Variants in PWWP2A observed in about 807,000 individuals in gnomAD.
PWWP2A encodes PWWP domain containing 2A, also known as PWWP domain-containing protein 2A.
Under a neutral mutation model 48.5 loss-of-function variants are expected in PWWP2A, and 18 were observed. The ratio of observed to expected loss-of-function variants is 0.37; its 90% confidence interval spans 0.26 to 0.55. PWWP2A has a LOEUF of 0.55. PWWP2A is among the 20% of genes least tolerant of loss of function. The probability of loss-of-function intolerance (pLI) is 0.81; values close to 1 mark genes in which losing one functional copy is unlikely to be tolerated. For missense variants in PWWP2A, 867 were observed against 976.4 expected (o/e 0.89, Z 1.49); for synonymous variants, 396 against 387.7 (o/e 1.02, Z -0.25).
rs1758482752 is a variant in PWWP2A at position 160,119,321 on chromosome 5, G to A, written c.68C>T (p.Ala23Val). 7.2e-7 allele frequency: 1 copy of A among 1,388,460 alleles called. No homozygotes were observed. The highest frequency in any genetic ancestry group is 9.3e-7 in the Non-Finnish European group (1 of 1,078,094). 86.0% of individuals were successfully genotyped at this position (1,388,460 alleles called of 1,614,324 possible). A position where few individuals can be genotyped will look rare whatever the true frequency, so the allele number is the denominator to read the frequency against. ...GGGGATGGGCTCCATCTCCGGCTCG[G>A]CCTCGCCGGCGCCCCCCTCCCCGGG... ...ASPGEGGAGEAEPEMEPIPGS... is the reference protein window; with the variant it reads ...ASPGEGGAGEVEPEMEPIPGS... The change falls in exon 1 of 2, where the codon GCC becomes GTC. Residue 23 changes from alanine (A) to valine (V), a missense_variant. Physicochemically the swap from Ala to Val is moderately conservative, Grantham distance 64 (BLOSUM62 0). Coordinates refer to ENST00000307063, the MANE Select transcript of PWWP2A (RefSeq NM_001130864.2).
At position 160,118,810 on chromosome 5, in the gene PWWP2A, G is replaced by A; in HGVS notation, c.579C>T (p.Ser193=). 1 of 1,525,964 alleles carries A rather than the reference G, an allele frequency of 6.6e-7. No individual in the cohort carries two copies. Among genetic ancestry groups the A allele is most frequent in the Non-Finnish European group, 8.8e-7 (1 of 1,136,594 alleles). 94.5% of individuals were successfully genotyped at this position (1,525,964 alleles called of 1,614,324 possible). A position where few individuals can be genotyped will look rare whatever the true frequency, so the allele number is the denominator to read the frequency against. The change falls in exon 1 of 2, where the codon TCC becomes TCT. Residue 193 remains serine, a synonymous_variant. Transcript: ENST00000307063. ...GCTGGGGGCGGGCGCGGTACCTTTT[G>A]GACAGATCCATGAGGACCCCGGAGA... ...KLFSGVLMDL[S]KRFGPHGIPV... is the part of the protein sequence containing the mutation.
chr5:160,093,139 G>A lies in PWWP2A; in HGVS notation c.1511C>T (p.Pro504Leu). The A allele has an allele frequency of 6.2e-7, 1 of 1,613,770 alleles. No homozygotes were observed. The highest frequency in any genetic ancestry group is 8.5e-7 in the Non-Finnish European group (1 of 1,179,862). ...LEKMRSGKMA[P>L]KPQSRCTSTR... ...AGAGGTGCAGCGAGACTGGGGCTTG[G>A]GTGCCATCTTGCCACTCCGCATTTT... is the stretch of plus-strand genomic sequence containing the variant. The change falls in exon 2 of 2, where the codon CCC becomes CTC. Residue 504 changes from proline to leucine, a missense_variant. By Grantham distance (98) the Pro-to-Leu change is moderately conservative. This residue lies in a region of PWWP2A where 382 missense variants were observed against 407.2 expected (regional missense o/e 0.94). Transcript: ENST00000307063. The surrounding 1 kb of genome is among the most constrained non-coding windows in gnomAD (Gnocchi z 5.8).
At chr5:160,066,218 G>A (rs1434072365) in intron 4 of PWWP2A, among the ~76,000 whole-genome samples, 1 of 151,270 alleles carries the variant, frequency 6.6e-6, no homozygotes, top group Admixed American at 6.6e-5. Context: ...TATGGAAACC[G>A]TGTGGAATGC....
In PWWP2A at chr5:160,118,940, T is replaced by A; in HGVS notation, c.449A>T (p.Asp150Val). The A allele has an allele frequency of 6.3e-7, 1 of 1,592,682 alleles. No individual in the cohort carries two copies. Among genetic ancestry groups the A allele is most frequent in the East Asian group, 2.3e-5 (1 of 42,704 alleles). Residue 150 changes from aspartate to valine, a missense_variant, in exon 1 of 2, where the codon GAC becomes GTC. Physicochemically the swap from Asp to Val is radical, Grantham distance 152 (BLOSUM62 -3). Transcript: ENST00000307063. Reference protein sequence around the residue: ...APALVPPAGGDSTVSQLIPGS... With the variant: ...APALVPPAGGVSTVSQLIPGS... The stretch of plus-strand genomic sequence containing the variant: ...CGGGATCAGTTGCGACACCGTGGAG[T>A]CCCCGCCCGCCGGCGGCACGAGCGC...
chr5:160,091,462 ATTATT>A lies in PWWP2A; in HGVS notation c.*915_*919del, dbSNP rs752215591. 188 of 978,530 alleles carry A rather than the reference ATTATT, an allele frequency of 1.9e-4. No individual in the cohort carries two copies. Among genetic ancestry groups the A allele is most frequent in the Non-Finnish European group, 2.2e-4 (181 of 826,054 alleles). 60.6% of individuals were successfully genotyped at this position (978,530 alleles called of 1,614,324 possible). ...CTGCAAACAGATACCTTAAACGGAA[ATTATT>A]TTGTTTTAATTATCAAATTAGGTAC... is the stretch of plus-strand genomic sequence containing the variant. On this transcript the variant is annotated 3_prime_UTR_variant, in exon 2 of 2. Transcript: ENST00000307063.
intron 4 of PWWP2A, among the ~76,000 whole-genome samples, chr5:160,065,762 T>A (rs548900533): frequency 6.6e-6 from 1 of 152,244 alleles, no homozygotes; most frequent in East Asian, 1.9e-4. Flanking sequence ...CTTGGGCCCC[T>A]CCAGGTTTGT....
downstream of PWWP2A, among the ~76,000 whole-genome samples, chr5:160,074,371 G>A (rs1753816554): frequency 6.6e-6 from 1 of 152,050 alleles, no homozygotes; most frequent in African/African-American, 2.4e-5. Context: ...CCAGGAGGTG[G>A]AGGTTGCAGT....
downstream of PWWP2A, among the ~76,000 whole-genome samples, chr5:160,061,157 C>T (rs1404470378): frequency 6.6e-6 from 1 of 152,254 alleles, no homozygotes; most frequent in East Asian, 1.9e-4. Flanking sequence ...ACACAGCTCG[C>T]CTGCCTATCT....
chr5:160,084,972 T>TAA (rs367544657), intron 2 of PWWP2A, among the ~76,000 whole-genome samples: 20 of 144,016 alleles, frequency 1.4e-4, no homozygotes, highest in Non-Finnish European at 2.3e-4. Flanking sequence ...CCTTAAATAG[T>TAA]AAAAAAAAAA....
At chr5:160,064,814 C>A in intron 4 of PWWP2A, 1 of 1,140,580 alleles carries the variant, frequency 8.8e-7, no homozygotes, top group South Asian at 1.6e-5. Flanking sequence ...GTAGGCATTT[C>A]TTTAACTGCA....
At chr5:160,102,110 CAAAAA>C (rs61608471) in intron 1 of PWWP2A, among the ~76,000 whole-genome samples, 1 of 59,010 alleles carries the variant, frequency 1.7e-5, no homozygotes. Context: ...AACTTGGTGT[CAAAAA>C]AAAAAAAAAA....
chr5:160,060,592 G>C (rs1263167670), downstream of PWWP2A, among the ~76,000 whole-genome samples: 1 of 152,212 alleles, frequency 6.6e-6, no homozygotes, highest in African/African-American at 2.4e-5. Flanking sequence ...GAATTTGACA[G>C]CCAGTGGAAA....
Position 160,119,077 on chromosome 5 carries a change from T to C in PWWP2A, c.312A>G (p.Ala104=). 6.3e-7 allele frequency: 1 copy of C among 1,588,702 alleles called. No homozygotes were observed. Among genetic ancestry groups the C allele is most frequent in the Non-Finnish European group, 8.5e-7 (1 of 1,176,026 alleles). The change falls in exon 1 of 2, where the codon GCA becomes GCG. Residue 104 remains alanine, a synonymous_variant. Transcript: ENST00000307063. Reference sequence around the variant, plus strand: ...GTTCCGGCCCTCCCTGAGGCGCGGCTGCCGCCGACTCCGCCACCCGAACGG... The same window carrying C: ...GTTCCGGCCCTCCCTGAGGCGCGGCCGCCGCCGACTCCGCCACCCGAACGG... ...KLSVRVAESA[A]AAPQGGPELP...
the PWWP2A span, chr5:160,049,763 G>A: frequency 1.0e-4 from 112 of 1,099,890 alleles, no homozygotes; most frequent in African/African-American, 1.6e-3. Context: ...TTCCATTTCT[G>A]TGCTTTTGAG....
At chr5:160,096,614 C>T (rs937632895) in intron 1 of PWWP2A, among the ~76,000 whole-genome samples, 2 of 152,062 alleles carry the variant, frequency 1.3e-5, no homozygotes, top group African/African-American at 4.8e-5. Flanking sequence ...AGAGAAGTGC[C>T]CTTCCTCTTA....
downstream of PWWP2A, among the ~76,000 whole-genome samples, chr5:160,071,313 A>G (rs10462921): frequency 0.59 from 90,270 of 152,056 alleles, 26,829 homozygotes; most frequent in East Asian, 0.62. Flanking sequence ...AAGTTGGTGC[A>G]GGAAGACCCG....
exon 6 of PWWP2A, chr5:160,061,874 A>G (rs900481332): frequency 1.3e-5 from 2 of 152,338 alleles, no homozygotes; most frequent in African/African-American, 4.8e-5. Context: ...GGCTGTTGGC[A>G]GAGTTGGCAG....
intron 1 of PWWP2A, chr5:160,113,392 A>G: frequency 1.1e-6 from 1 of 918,888 alleles, no homozygotes; most frequent in Non-Finnish European, 1.3e-6. Context: ...GCAGACTCTT[A>G]GTCATCCACA....
chr5:160,091,825 T>A lies in PWWP2A; in HGVS notation c.*557A>T, dbSNP rs1460819999. The A allele has an allele frequency of 3.0e-6, 3 of 985,100 alleles. No individual in the cohort carries two copies. The African/African-American group carries it at 5.2e-5, about 17-fold the overall frequency. 61.0% of individuals were successfully genotyped at this position (985,100 alleles called of 1,614,324 possible). On this transcript the variant is annotated 3_prime_UTR_variant, in exon 2 of 2. Coordinates refer to ENST00000307063, the MANE Select transcript of PWWP2A (RefSeq NM_001130864.2). ...TAACCATCTAACTTTTACACCATTA[T>A]GCGCATAGAAAGGCTAAGTGTTCAT...
Sources: gnomAD v4.1 joint callset for allele counts (sites outside exome capture counted in the v4.1 genomes callset) on GRCh38, gnomAD v4.1.1 for gene constraint, gnomAD v4.1.1 regional missense constraint, Gnocchi (gnomAD v3.1) non-coding constraint, MANE v1.5 for transcripts, NCBI Gene and HGNC (gene_info 2026-07-23, HGNC 2026-07-21) for gene names.